The following CNTNAP5 variants were observed in gnomAD, a reference collection of about 807,000 sequenced individuals.
The protein encoded by CNTNAP5 is contactin-associated protein-like 5.
In CNTNAP5, 72 loss-of-function variants were observed where a neutral mutation model predicts 150.2. That is an observed-to-expected ratio of 0.48 (90% confidence interval 0.40 to 0.58). The LOEUF (loss-of-function observed/expected upper bound fraction) is 0.58. Among genes scored for constraint, CNTNAP5 ranks in the 20% least tolerant of loss-of-function variants. CNTNAP5 has a pLI of 0.00. For missense variants in CNTNAP5, 1,636 were observed against 1,626.2 expected (o/e 1.01, Z -0.10); for synonymous variants, 672 against 619.8 (o/e 1.08, Z -1.25).
At chr2:124,890,882 C>A (rs1678179719) in intron 21 of CNTNAP5, among the ~76,000 whole-genome samples, 2 of 152,006 alleles carry the variant, frequency 1.3e-5, no homozygotes, top group Non-Finnish European at 2.9e-5. Context: ...TCTCCTTCTA[C>A]CGACAGACAT....
chr2:124,347,396 G>T (rs374103684), intron 3 of CNTNAP5, among the ~76,000 whole-genome samples: 6 of 152,248 alleles, frequency 3.9e-5, no homozygotes, highest in Admixed American at 3.3e-4. Flanking sequence ...TTTGTTGAGT[G>T]GCTAACAGCT....
At chr2:124,396,170 G>T (rs1418674561) in intron 3 of CNTNAP5, among the ~76,000 whole-genome samples, 2 of 152,200 alleles carry the variant, frequency 1.3e-5, no homozygotes, top group East Asian at 1.9e-4. Context: ...TGCCTGTCTG[G>T]CTTGATTCAA....
chr2:124,110,741 A>G (rs1391042641), intron 1 of CNTNAP5, among the ~76,000 whole-genome samples: 5 of 152,226 alleles, frequency 3.3e-5, no homozygotes, highest in Non-Finnish European at 7.3e-5. Context: ...ATTTAAAGGC[A>G]GGTCTATGTG....
intron 19 of CNTNAP5, among the ~76,000 whole-genome samples, chr2:124,827,308 C>T (rs967484194): frequency 3.9e-5 from 6 of 152,112 alleles, no homozygotes; most frequent in Admixed American, 6.6e-5. Context: ...GTGCTGGTGG[C>T]GAGTCACAGG....
At chr2:124,850,734 T>C (rs777694774) in intron 19 of CNTNAP5, among the ~76,000 whole-genome samples, 5 of 151,702 alleles carry the variant, frequency 3.3e-5, no homozygotes, top group South Asian at 2.1e-4. Context: ...GAAATCAGCA[T>C]GGAGAGAGAG....
At chr2:124,314,395 G>T (rs1469437627) in intron 3 of CNTNAP5, among the ~76,000 whole-genome samples, 3 of 152,102 alleles carry the variant, frequency 2.0e-5, no homozygotes, top group Non-Finnish European at 2.9e-5. Context: ...TCTCCGTAGT[G>T]GGCCCTGAGA....
intron 7 of CNTNAP5, among the ~76,000 whole-genome samples, chr2:124,498,147 T>A (rs1312537581): frequency 1.3e-5 from 2 of 152,198 alleles, no homozygotes; most frequent in Non-Finnish European, 2.9e-5. Flanking sequence ...CACTTCTGGT[T>A]TAGTGGCAGA....
At chr2:124,650,575 G>A (rs1461486201) in intron 13 of CNTNAP5, among the ~76,000 whole-genome samples, 1 of 152,174 alleles carries the variant, frequency 6.6e-6, no homozygotes, top group East Asian at 1.9e-4. Flanking sequence ...AAGCAGAGGA[G>A]GATAGAGGCC....
chr2:124,777,846 T>TC (rs1681360566), intron 17 of CNTNAP5, among the ~76,000 whole-genome samples: 1 of 150,548 alleles, frequency 6.6e-6, no homozygotes, highest in African/African-American at 2.5e-5. Context: ...CTGTCTTTTT[T>TC]AAAGGAGAAT....
chr2:124,105,756 A>C (rs1478702735), intron 1 of CNTNAP5, among the ~76,000 whole-genome samples: 1 of 152,024 alleles, frequency 6.6e-6, no homozygotes, highest in Non-Finnish European at 1.5e-5. Flanking sequence ...TAGTAGAATA[A>C]ATGGATTTTC....
At chr2:124,812,063 A>T (rs866899599) in intron 19 of CNTNAP5, among the ~76,000 whole-genome samples, 2 of 62,460 alleles carry the variant, frequency 3.2e-5, no homozygotes, top group African/African-American at 6.3e-5. Context: ...ATATTATATA[A>T]TATATAATTT....
chr2:124,166,416 T>C (rs1002696093), intron 1 of CNTNAP5, among the ~76,000 whole-genome samples: 26 of 152,172 alleles, frequency 1.7e-4, no homozygotes, highest in African/African-American at 5.8e-4. Context: ...GAGATTTAAG[T>C]ATAGGGATTC....
chr2:124,413,578 G>T (rs568090414), intron 3 of CNTNAP5, among the ~76,000 whole-genome samples: 7 of 133,132 alleles, frequency 5.3e-5, no homozygotes, highest in African/African-American at 2.0e-4. Context: ...CATGTCCTTT[G>T]TAGGGACATG....
In CNTNAP5 at chr2:124,921,198, A is replaced by G. The variant is rs1395543884; in HGVS notation, c.*6910A>G. Among the ~76,000 whole-genome samples the G allele has an allele frequency of 6.6e-6, 1 of 152,168 alleles. No individual in the cohort carries two copies. Among genetic ancestry groups the G allele is most frequent in the Non-Finnish European group, 1.5e-5 (1 of 68,018 alleles). ...ATATTTAATAAAGAGAACATTTTGT[A>G]TGATTTTGTGTGGAAGACAAATGTG... On this transcript the variant is annotated 3_prime_UTR_variant, in exon 24 of 24. Coordinates refer to ENST00000682447, the MANE Select transcript of CNTNAP5 (RefSeq NM_001367498.1).
At chr2:124,781,256 G>A (rs755294434) in intron 17 of CNTNAP5, among the ~76,000 whole-genome samples, 7 of 152,144 alleles carry the variant, frequency 4.6e-5, no homozygotes, top group African/African-American at 9.7e-5. Context: ...CAGGGAAGAG[G>A]TGAGCTGGAT....
chr2:124,696,877 T>C (rs990975510), intron 13 of CNTNAP5, among the ~76,000 whole-genome samples: 3 of 152,182 alleles, frequency 2.0e-5, no homozygotes, highest in Non-Finnish European at 4.4e-5. Context: ...AGATCTGGTA[T>C]AGCTAGTGTA....
At chr2:124,240,427 C>T (rs1030780106) in intron 2 of CNTNAP5, among the ~76,000 whole-genome samples, 6 of 152,084 alleles carry the variant, frequency 3.9e-5, no homozygotes, top group Non-Finnish European at 5.9e-5. Context: ...TTGGAGAGAA[C>T]TTGACCACAT....
intron 19 of CNTNAP5, among the ~76,000 whole-genome samples, chr2:124,799,539 T>C (rs1681921560): frequency 6.6e-6 from 1 of 152,204 alleles, no homozygotes; most frequent in Non-Finnish European, 1.5e-5. Flanking sequence ...GCCCAAGCCA[T>C]GCCACTGAGT....
chr2:124,268,894 C>A (rs1428767942), intron 3 of CNTNAP5, among the ~76,000 whole-genome samples: 1 of 151,918 alleles, frequency 6.6e-6, no homozygotes, highest in African/African-American at 2.4e-5. Flanking sequence ...ATGGTGTAGA[C>A]CAGAATGAGA....
Sources: gnomAD v4.1 joint callset for allele counts (sites outside exome capture counted in the v4.1 genomes callset) on GRCh38, gnomAD v4.1.1 for gene constraint, MANE v1.5 for transcripts, NCBI Gene and HGNC (gene_info 2026-07-23, HGNC 2026-07-21) for gene names.